HS3ST5: variants seen among roughly 807,000 people sequenced by gnomAD.
HS3ST5 encodes the protein heparan sulfate glucosamine 3-O-sulfotransferase 5.
Under a neutral mutation model 25.4 loss-of-function variants are expected in HS3ST5, and 10 were observed. That is an observed-to-expected ratio of 0.39 (90% CI 0.24 to 0.67). The LOEUF (loss-of-function observed/expected upper bound fraction) is 0.67, where lower values mean the gene tolerates loss of function less well. Ranked by LOEUF, HS3ST5 falls within the 30% of genes least tolerant of loss-of-function variation. The pLI is 0.44. For synonymous variants in HS3ST5, 170 were observed against 162.4 expected (o/e 1.05, Z -0.36); for missense variants, 324 against 420.7 (o/e 0.77, Z 2.01).
chr6:114,123,938 A>C (rs1331365055), intron 3 of HS3ST5, among the ~76,000 whole-genome samples: 2 of 152,148 alleles, frequency 1.3e-5, no homozygotes, highest in Non-Finnish European at 2.9e-5. Context: ...TTCAAGAATT[A>C]TATAAGGATA....
intron 1 of HS3ST5, among the ~76,000 whole-genome samples, chr6:114,305,435 T>C (rs1056566580): frequency 6.6e-6 from 1 of 152,124 alleles, no homozygotes; most frequent in Non-Finnish European, 1.5e-5. Flanking sequence ...CTATGAATAA[T>C]AGCAGCTTGA....
intron 2 of HS3ST5, among the ~76,000 whole-genome samples, chr6:114,223,361 C>T (rs1370888810): frequency 6.6e-6 from 1 of 151,706 alleles, no homozygotes; most frequent in African/African-American, 2.4e-5. Flanking sequence ...AGCGGCTTTG[C>T]ATGATAACTA....
chr6:114,256,321 G>A (rs928441687), intron 1 of HS3ST5, among the ~76,000 whole-genome samples: 1 of 151,504 alleles, frequency 6.6e-6, no homozygotes, highest in Admixed American at 6.6e-5. Flanking sequence ...CCGGGAGGCA[G>A]AGCTTGCAGT....
chr6:114,236,053 T>G (rs1771840325), intron 1 of HS3ST5, among the ~76,000 whole-genome samples: 1 of 152,220 alleles, frequency 6.6e-6, no homozygotes. Context: ...TTCAGACATC[T>G]GTACCCTAAA....
intron 3 of HS3ST5, among the ~76,000 whole-genome samples, chr6:114,164,980 AT>A (rs1779137797): frequency 6.6e-6 from 1 of 152,186 alleles, no homozygotes; most frequent in Non-Finnish European, 1.5e-5. Flanking sequence ...AGTACCATTA[AT>A]TCCTCTGAAA....
intron 2 of HS3ST5, among the ~76,000 whole-genome samples, chr6:114,198,908 A>G (rs80169015): frequency 6.6e-6 from 1 of 152,112 alleles, no homozygotes; most frequent in African/African-American, 2.4e-5. Flanking sequence ...TCCCAGGTGT[A>G]GCTACCTAGA....
At chr6:114,108,563 C>T (rs570019076) in intron 3 of HS3ST5, among the ~76,000 whole-genome samples, 1 of 152,102 alleles carries the variant, frequency 6.6e-6, no homozygotes, top group African/African-American at 2.4e-5. Flanking sequence ...CTGGTAATAT[C>T]TCTCCGGCGC....
chr6:114,112,785 A>C (rs1412872038), intron 3 of HS3ST5, among the ~76,000 whole-genome samples: 1 of 151,942 alleles, frequency 6.6e-6, no homozygotes, highest in Non-Finnish European at 1.5e-5. Flanking sequence ...TCCTCAATTA[A>C]CTCTTAGCTT....
At chr6:114,206,820 C>T (rs979516471) in intron 2 of HS3ST5, among the ~76,000 whole-genome samples, 5 of 152,158 alleles carry the variant, frequency 3.3e-5, no homozygotes, top group Middle Eastern at 3.4e-3. Flanking sequence ...TTATTTAATC[C>T]TGAAAGAGGC....
At chr6:114,084,467 C>T (rs1488191723) in intron 3 of HS3ST5, 2 of 757,316 alleles carry the variant, frequency 2.6e-6, no homozygotes, top group East Asian at 2.4e-5. Context: ...TCAGGCATGA[C>T]CTCCCGCGGG....
chr6:114,319,173 A>G (rs190135797), intron 1 of HS3ST5, among the ~76,000 whole-genome samples: 2 of 152,284 alleles, frequency 1.3e-5, no homozygotes, highest in East Asian at 1.9e-4. Flanking sequence ...ATATATTCCA[A>G]TCTCACAGAA....
intron 3 of HS3ST5, among the ~76,000 whole-genome samples, chr6:114,139,474 C>T (rs1216851443): frequency 6.6e-6 from 1 of 151,738 alleles, no homozygotes. Flanking sequence ...ATGAGTAGAC[C>T]CATTTATCTG....
At chr6:114,176,459 T>C (rs74529210) in intron 2 of HS3ST5, among the ~76,000 whole-genome samples, 2,600 of 152,318 alleles carry the variant, frequency 0.017, 39 homozygotes, top group African/African-American at 0.041. Context: ...ACTTGTATCA[T>C]TGGCAGAAAC....
chr6:114,255,113 A>G (rs1166179069), intron 1 of HS3ST5, among the ~76,000 whole-genome samples: 3 of 152,234 alleles, frequency 2.0e-5, no homozygotes, highest in Non-Finnish European at 4.4e-5. Flanking sequence ...GTTACCTGCT[A>G]GATACAGTGG....
At chr6:114,221,368 A>G (rs1409941674) in intron 2 of HS3ST5, among the ~76,000 whole-genome samples, 2 of 151,990 alleles carry the variant, frequency 1.3e-5, no homozygotes, top group Non-Finnish European at 2.9e-5. Flanking sequence ...TTTAAAGTTC[A>G]GTCCTCATTT....
intron 3 of HS3ST5, among the ~76,000 whole-genome samples, chr6:114,065,800 G>A (rs1045561801): frequency 1.3e-5 from 2 of 152,190 alleles, no homozygotes; most frequent in Non-Finnish European, 2.9e-5. Flanking sequence ...CTTTGCAAGG[G>A]TCTCCAGCCT....
chr6:114,084,539 C>T (rs1774675111), intron 3 of HS3ST5: 3 of 760,022 alleles, frequency 3.9e-6, no homozygotes, highest in African/African-American at 1.7e-5. Flanking sequence ...CACCGCATCA[C>T]ACCCGCTGAG....
At chr6:114,314,189 A>C (rs546318785) in intron 1 of HS3ST5, among the ~76,000 whole-genome samples, 1 of 152,246 alleles carries the variant, frequency 6.6e-6, no homozygotes, top group Non-Finnish European at 1.5e-5. Flanking sequence ...CGGCCTCTCA[A>C]AGTGCTGGGA....
intron 1 of HS3ST5, among the ~76,000 whole-genome samples, chr6:114,241,137 T>G (rs56091913): frequency 3.3e-5 from 5 of 149,568 alleles, no homozygotes; most frequent in South Asian, 2.1e-4. Context: ...AATCAGTTTT[T>G]TTTTTTTTTT....
Sources: allele counts gnomAD v4.1 joint callset (sites outside exome capture counted in the v4.1 genomes callset), GRCh38; gene constraint gnomAD v4.1.1; transcripts MANE v1.5; gene names NCBI Gene and HGNC (gene_info 2026-07-23, HGNC 2026-07-21).